PLXDC2: variants seen among roughly 807,000 people sequenced by gnomAD.
PLXDC2 encodes the protein plexin domain containing 2.
Under a neutral mutation model 68.9 loss-of-function variants are expected in PLXDC2, and 40 were observed. The ratio of observed to expected loss-of-function variants is 0.58; its 90% CI spans 0.45 to 0.76. PLXDC2 has a LOEUF of 0.76. Ranked by LOEUF, PLXDC2 falls within the 30% of genes least tolerant of loss-of-function variation. The pLI, the probability that PLXDC2 is intolerant of heterozygous loss-of-function variation, is 0.00. For synonymous variants in PLXDC2, 243 were observed against 234.2 expected (o/e 1.04, Z -0.34); for missense variants, 644 against 661.9 (o/e 0.97, Z 0.30).
At chr10:19,952,881 A>G (rs888380637) in intron 1 of PLXDC2, among the ~76,000 whole-genome samples, 6 of 152,096 alleles carry the variant, frequency 3.9e-5, no homozygotes, top group African/African-American at 4.8e-5. Flanking sequence ...AACCTAAGGA[A>G]AAGTAATTTT....
chr10:20,178,321 T>G (rs1448097419), intron 9 of PLXDC2, among the ~76,000 whole-genome samples: 1 of 152,106 alleles, frequency 6.6e-6, no homozygotes, highest in Admixed American at 6.6e-5. Context: ...AGAGACTGAA[T>G]AATCATTTGT....
At position 20,288,804 on chromosome 10, in the gene PLXDC2, G is replaced by C. The variant is rs1363532892; in HGVS notation, c.*8985G>C. The C allele has an allele frequency of 2.0e-5, 3 of 152,088 alleles. No individual in the cohort carries two copies. Among genetic ancestry groups the C allele is most frequent in the Non-Finnish European group, 4.4e-5 (3 of 68,034 alleles). The allele number at this position is 152,088 out of a possible 1,614,324, so 9.4% of individuals were successfully genotyped here. A position where few individuals can be genotyped will look rare whatever the true frequency, so the allele number is the denominator to read the frequency against. On this transcript the variant is annotated 3_prime_UTR_variant, in exon 14 of 14. Transcript: ENST00000377252. ...TTTTCCCCTAGTAATAGTTTGATAA[G>C]AAATTTAGTGTATTGACTGCCTCAG...
At chr10:20,030,817 C>T (rs1472044023) in intron 2 of PLXDC2, among the ~76,000 whole-genome samples, 4 of 152,138 alleles carry the variant, frequency 2.6e-5, no homozygotes, top group Non-Finnish European at 5.9e-5. Context: ...ATGTGTTTGA[C>T]CCCTTATCAG....
At chr10:19,924,980 G>A (rs1045341238) in intron 1 of PLXDC2, among the ~76,000 whole-genome samples, 12 of 152,158 alleles carry the variant, frequency 7.9e-5, no homozygotes, top group African/African-American at 1.7e-4. Context: ...CGGTTACCTC[G>A]CCATGCTTTT....
intron 4 of PLXDC2, among the ~76,000 whole-genome samples, chr10:20,126,905 ATATGTATATATTATG>A (rs924420500): frequency 9.5e-5 from 14 of 147,998 alleles, no homozygotes; most frequent in Middle Eastern, 3.8e-3. Flanking sequence ...ATATATGTAT[ATATGTATATATTATG>A]TATGTATATA....
intron 9 of PLXDC2, among the ~76,000 whole-genome samples, chr10:20,205,507 A>G (rs1834979178): frequency 6.6e-6 from 1 of 152,108 alleles, no homozygotes; most frequent in South Asian, 2.1e-4. Flanking sequence ...CTCTCATAAT[A>G]TTCTATGATA....
At chr10:20,265,255 T>G (rs1257043759) in intron 13 of PLXDC2, among the ~76,000 whole-genome samples, 2 of 152,186 alleles carry the variant, frequency 1.3e-5, no homozygotes, top group African/African-American at 4.8e-5. Context: ...GAGATGAGCT[T>G]CAGATAAACA....
intron 2 of PLXDC2, among the ~76,000 whole-genome samples, chr10:20,006,342 T>C (rs1835028711): frequency 6.6e-6 from 1 of 152,216 alleles, no homozygotes; most frequent in South Asian, 2.1e-4. Flanking sequence ...TCTTTTTGGT[T>C]TATATTGCTA....
At chr10:20,254,551 A>G (rs1835718350) in intron 13 of PLXDC2, among the ~76,000 whole-genome samples, 1 of 152,210 alleles carries the variant, frequency 6.6e-6, no homozygotes, top group Non-Finnish European at 1.5e-5. Flanking sequence ...CTCAAGGGGA[A>G]AAAATGATTC....
intron 4 of PLXDC2, among the ~76,000 whole-genome samples, chr10:20,079,718 G>A (rs770721139): frequency 6.6e-6 from 1 of 152,156 alleles, no homozygotes; most frequent in Non-Finnish European, 1.5e-5. Context: ...TCACTCCTAA[G>A]TGGGAGTTGA....
intron 13 of PLXDC2, among the ~76,000 whole-genome samples, chr10:20,254,767 C>G (rs1277350760): frequency 6.6e-6 from 1 of 151,760 alleles, no homozygotes; most frequent in African/African-American, 2.4e-5. Context: ...GAAATTGGGT[C>G]ACTTGAAAAA....
intron 12 of PLXDC2, 84 bp from the exon 13 acceptor site, chr10:20,245,261 T>C: frequency 1.4e-6 from 2 of 1,442,360 alleles, no homozygotes; most frequent in Non-Finnish European, 1.8e-6. Context: ...CGTACTTTAT[T>C]AAAAACACAA....
At chr10:20,274,797 C>T (rs1381488215) in intron 13 of PLXDC2, among the ~76,000 whole-genome samples, 4 of 149,906 alleles carry the variant, frequency 2.7e-5, no homozygotes, top group African/African-American at 9.9e-5. Context: ...GGCCAGGACC[C>T]AAAACCACTG....
At chr10:20,036,212 A>G (rs1835574636) in intron 2 of PLXDC2, among the ~76,000 whole-genome samples, 1 of 152,140 alleles carries the variant, frequency 6.6e-6, no homozygotes, top group Admixed American at 6.5e-5. Context: ...TGTATTTGGA[A>G]TCAAGGCCTT....
intron 2 of PLXDC2, among the ~76,000 whole-genome samples, chr10:20,035,830 G>A (rs140351021): frequency 6.6e-6 from 1 of 152,274 alleles, no homozygotes; most frequent in African/African-American, 2.4e-5. Flanking sequence ...AAACCACCCA[G>A]CTTTTCCACA....
intron 2 of PLXDC2, among the ~76,000 whole-genome samples, chr10:20,008,646 G>A (rs990895966): frequency 6.6e-6 from 1 of 152,180 alleles, no homozygotes; most frequent in Non-Finnish European, 1.5e-5. Flanking sequence ...GAATCTCCAT[G>A]TTATGTTTGC....
chr10:20,089,783 A>G (rs547579746), intron 4 of PLXDC2, among the ~76,000 whole-genome samples: 5 of 152,334 alleles, frequency 3.3e-5, no homozygotes, highest in African/African-American at 1.2e-4. Flanking sequence ...GTGCTAGTTC[A>G]CTGCAGGTAA....
In PLXDC2 at chr10:20,103,886, G is replaced by A. The variant is rs181554583; in HGVS notation, c.541+35647G>A. ...TCGAACTCCTGACCTCAGGTGATCC[G>A]CCTGCCTTGGCCGCCCAAAGTGCTA... On this transcript the variant is annotated intron_variant, in intron 4 of 13. Transcript: ENST00000377252. Among the ~76,000 whole-genome samples the A allele has an allele frequency of 4.9e-3, 744 of 152,182 alleles. 2 individuals carry two copies. Among genetic ancestry groups the A allele is most frequent in the Non-Finnish European group, 7.9e-3 (537 of 67,998 alleles).
chr10:19,874,796 C>T (rs962619035), intron 1 of PLXDC2, among the ~76,000 whole-genome samples: 3 of 152,060 alleles, frequency 2.0e-5, no homozygotes, highest in African/African-American at 4.8e-5. Context: ...ATCAGAAGGC[C>T]GGAAAAGCTG....
Sources: gnomAD v4.1 joint callset for allele counts (sites outside exome capture counted in the v4.1 genomes callset) on GRCh38, gnomAD v4.1.1 for gene constraint, MANE v1.5 for transcripts, NCBI Gene and HGNC (gene_info 2026-07-23, HGNC 2026-07-21) for gene names.